Variants in DNAH9 observed in about 807,000 individuals in gnomAD.
The protein encoded by DNAH9 is dynein axonemal heavy chain 9.
In DNAH9, 345 loss-of-function variants were observed where a neutral mutation model predicts 471.6. That is an observed-to-expected ratio of 0.73 (90% CI 0.67 to 0.80). The LOEUF (loss-of-function observed/expected upper bound fraction) is 0.80. Ranked by LOEUF, DNAH9 falls within the 30% of genes least tolerant of loss-of-function variation. The pLI, the probability that DNAH9 is intolerant of heterozygous loss-of-function variation, is 0.00. For missense variants in DNAH9, 5,407 were observed against 5,609.2 expected, an observed-to-expected ratio of 0.96 and a Z score of 1.15; for synonymous variants, 2,093 against 2,123.6, an observed-to-expected ratio of 0.99 and a Z score of 0.40.
At chr17:11,856,160 A>G (rs1567851914) in intron 50 of DNAH9, among the ~76,000 whole-genome samples, 1 of 152,196 alleles carries the variant, frequency 6.6e-6, no homozygotes, top group African/African-American at 2.4e-5. Flanking sequence ...GCATGGACTC[A>G]ATCACGGCTG....
chr17:11,792,324 C>A (rs1379204574), intron 41 of DNAH9, among the ~76,000 whole-genome samples: 4 of 152,142 alleles, frequency 2.6e-5, no homozygotes, highest in Non-Finnish European at 4.4e-5. Context: ...ATGTTGTCAC[C>A]AGACTTGTAT....
At chr17:11,870,183 C>T (rs779373178) in intron 51 of DNAH9, among the ~76,000 whole-genome samples, 10 of 152,196 alleles carry the variant, frequency 6.6e-5, no homozygotes, top group Admixed American at 3.9e-4. Flanking sequence ...ACAGCACTTC[C>T]GCTGTACTCT....
chr17:11,709,300 A>C (rs1406857756), intron 26 of DNAH9, among the ~76,000 whole-genome samples: 1 of 152,238 alleles, frequency 6.6e-6, no homozygotes, highest in African/African-American at 2.4e-5. Context: ...TTTGCGCATT[A>C]GTTGCTTTTC....
intron 33 of DNAH9, among the ~76,000 whole-genome samples, chr17:11,753,877 T>A (rs1269011148): frequency 2.0e-5 from 3 of 152,200 alleles, no homozygotes; most frequent in Non-Finnish European, 4.4e-5. Flanking sequence ...CAAACTCATG[T>A]CACAGGGGTT....
intron 38 of DNAH9, among the ~76,000 whole-genome samples, chr17:11,778,341 A>G (rs1340106626): frequency 2.4e-3 from 314 of 130,242 alleles, no homozygotes; most frequent in African/African-American, 0.01. Context: ...AAAAAAAAAA[A>G]AAAAAAAAAA....
intron 47 of DNAH9, 26 bp from the exon 48 acceptor site, chr17:11,822,773 CTT>C: frequency 1.9e-6 from 3 of 1,611,772 alleles, no homozygotes; most frequent in African/African-American, 2.7e-5. Flanking sequence ...ACAAGATAAT[CTT>C]TTCATTTCTT....
rs1421337658 is a variant in DNAH9, at chr17:11,708,044, G to GAC, written c.5552+2860_5552+2861insCA. ...AGAGAGAGAGAGAGAGAGAGAGAGA[G>GAC]AGAGAGAGAGAGCAGGTAACCCTGA... On this transcript the variant is annotated intron_variant, in intron 26 of 68. Transcript: ENST00000262442. 9.4e-5 allele frequency among the ~76,000 whole-genome samples: 14 copies of GAC among 149,096 alleles called. No individual in the cohort carries two copies. In the South Asian group the frequency reaches 2.9e-3, roughly 31 times the overall value.
chr17:11,710,653 G>A (rs1426991883), intron 26 of DNAH9, among the ~76,000 whole-genome samples: 1 of 152,014 alleles, frequency 6.6e-6, no homozygotes, highest in Non-Finnish European at 1.5e-5. Context: ...TACTGTTATT[G>A]CCCGTTTTTC....
intron 53 of DNAH9, among the ~76,000 whole-genome samples, chr17:11,876,028 GT>G (rs1368790154): frequency 1.3e-5 from 2 of 152,228 alleles, no homozygotes; most frequent in Non-Finnish European, 2.9e-5. Context: ...TAATCAACTG[GT>G]TAATAACCAG....
chr17:11,965,876 G>GA (rs1270884128), intron 68 of DNAH9, among the ~76,000 whole-genome samples: 3 of 151,978 alleles, frequency 2.0e-5, no homozygotes, highest in African/African-American at 7.2e-5. Context: ...TGAATAAGCA[G>GA]AAAAATCAGC....
At chr17:11,679,640 G>T in intron 17 of DNAH9, 117 bp from the exon 18 acceptor site, 2 of 743,544 alleles carry the variant, frequency 2.7e-6, no homozygotes, top group Non-Finnish European at 2.4e-6. Flanking sequence ...TTAGTCAAGT[G>T]TTGGGCATGT....
chr17:11,852,674 T>A (rs185551077), intron 49 of DNAH9, among the ~76,000 whole-genome samples: 33 of 151,364 alleles, frequency 2.2e-4, no homozygotes, highest in African/African-American at 7.8e-4. Flanking sequence ...GAGAATGCAA[T>A]GAGTTGGGAG....
intron 26 of DNAH9, among the ~76,000 whole-genome samples, chr17:11,718,781 T>C (rs1317155477): frequency 6.6e-6 from 1 of 152,182 alleles, no homozygotes; most frequent in Non-Finnish European, 1.5e-5. Context: ...ATACAACATA[T>C]GTCACAGGAA....
chr17:11,964,059 A>C (rs1042655826), intron 68 of DNAH9, among the ~76,000 whole-genome samples: 8 of 152,164 alleles, frequency 5.3e-5, no homozygotes, highest in Non-Finnish European at 7.4e-5. Flanking sequence ...CTGTGAGATA[A>C]TATGTTGTTT....
intron 55 of DNAH9, among the ~76,000 whole-genome samples, 165 bp from the exon 56 acceptor site, chr17:11,883,421 C>A (rs1193175013): frequency 2.0e-5 from 3 of 152,114 alleles, no homozygotes; most frequent in Non-Finnish European, 4.4e-5. Context: ...TACAGTTGGG[C>A]ACCAATTTGA....
intron 26 of DNAH9, among the ~76,000 whole-genome samples, chr17:11,711,611 CT>C (rs1413623102): frequency 6.6e-6 from 1 of 151,264 alleles, no homozygotes; most frequent in African/African-American, 2.4e-5. Context: ...TTTCCACTTT[CT>C]TTTTTTTAGC....
At chr17:11,837,427 A>G (rs1970885406) in intron 49 of DNAH9, among the ~76,000 whole-genome samples, 1 of 152,314 alleles carries the variant, frequency 6.6e-6, no homozygotes, top group East Asian at 1.9e-4. Flanking sequence ...AGGAATTAAC[A>G]GGTTCTTTAT....
rs1040749593 is a variant in DNAH9 at position 11,763,753 on chromosome 17, A to G, written c.7170+139A>G. On this transcript the variant is annotated intron_variant, in intron 36 of 68. Coordinates refer to ENST00000262442, the MANE Select transcript of DNAH9 (RefSeq NM_001372.4). ...CAGCAAACTATTTAGTCATCTACCT[A>G]TTACTCTGCTAAAGACATCAGTTGT... 11 of 809,970 alleles carry G rather than the reference A, an allele frequency of 1.4e-5. No individual in the cohort carries two copies. In the African/African-American group the frequency reaches 1.5e-4, roughly 11 times the overall value. The allele number at this position is 809,970 out of a possible 1,614,324, so 50.2% of individuals were successfully genotyped here.
chr17:11,765,871 C>T (rs369401919), intron 36 of DNAH9, among the ~76,000 whole-genome samples: 3 of 152,274 alleles, frequency 2.0e-5, no homozygotes, highest in Middle Eastern at 3.4e-3. Flanking sequence ...GCTGGGAAAA[C>T]GTCAGACAGC....
Sources: gnomAD v4.1 joint callset for allele counts (sites outside exome capture counted in the v4.1 genomes callset) on GRCh38, gnomAD v4.1.1 for gene constraint, MANE v1.5 for transcripts, NCBI Gene and HGNC (gene_info 2026-07-23, HGNC 2026-07-21) for gene names.